The following HNRNPLL variants were observed in gnomAD, a reference collection of about 807,000 sequenced individuals.
The protein encoded by HNRNPLL is heterogeneous nuclear ribonucleoprotein L like.
A neutral mutation model predicts 67.1 loss-of-function variants in HNRNPLL; 25 were observed. The ratio of observed to expected loss-of-function variants is 0.37; its 90% CI spans 0.27 to 0.52. The LOEUF (loss-of-function observed/expected upper bound fraction) is 0.52, where lower values mean the gene tolerates loss of function less well. HNRNPLL is among the 20% of genes least tolerant of loss of function. The probability of loss-of-function intolerance (pLI) is 0.90; values close to 1 mark genes in which losing one functional copy is unlikely to be tolerated. For synonymous variants in HNRNPLL, 267 were observed against 241.7 expected (o/e 1.10, Z -0.97); for missense variants, 542 against 673.9 (o/e 0.80, Z 2.17).
At position 38,585,781 on chromosome 2, in the gene HNRNPLL, A is replaced by C. The variant is rs1666702250; in HGVS notation, c.409T>G (p.Tyr137Asp). The C allele has an allele frequency of 6.2e-7, 1 of 1,613,610 alleles. No homozygotes were observed. The highest frequency in any genetic ancestry group is 1.7e-5 in the Admixed American group (1 of 60,006). The change falls in exon 3 of 13, where the codon TAC (tyrosine) becomes GAC (aspartate). Residue 137 changes from tyrosine to aspartate, a missense_variant. By Grantham distance (160) the Tyr-to-Asp change is radical (BLOSUM62 -3). Transcript: ENST00000449105. The part of the protein sequence containing the change: ...CVTFAADEPV[Y>D]IAGQQAFFNY... ...AAAAAAGCCTGTTGACCAGCAATGT[A>C]CACGGGTTCATCTGCAGCAAATGTC...
In HNRNPLL at chr2:38,602,466, C is replaced by CCGCCAT. The variant is rs1320240709; in HGVS notation, c.155_160dup (p.Asp52_Gly53dup). The CCGCCAT allele has an allele frequency of 6.5e-7, 1 of 1,539,616 alleles. No homozygotes were observed. The highest frequency in any genetic ancestry group is 1.2e-5 in the South Asian group (1 of 84,082). ...CTGAGAGAAGCTCCGGCCGCCGCCG[C>CCGCCAT]CGCCATCGCCCCCGCCCCGGGGCGT... On this transcript the variant is annotated inframe_insertion, in exon 1 of 13. Transcript: ENST00000449105.
In HNRNPLL at chr2:38,563,513, G is replaced by C. The variant is rs1292740822; in HGVS notation, c.*669C>G. On this transcript the variant is annotated 3_prime_UTR_variant, in exon 13 of 13. Coordinates refer to ENST00000449105, the MANE Select transcript of HNRNPLL (RefSeq NM_138394.4). ...ATGAAAATGAACACATTAACTCATT[G>C]TTATAACTTTATAAAATCTCCAAAC... 6.6e-6 allele frequency: 1 copy of C among 151,956 alleles called. No individual in the cohort carries two copies. The highest frequency in any genetic ancestry group is 2.4e-5 in the African/African-American group (1 of 41,398). 9.4% of individuals were successfully genotyped at this position (151,956 alleles called of 1,614,324 possible).
intron 1 of HNRNPLL, among the ~76,000 whole-genome samples, chr2:38,592,481 G>T (rs1051656739): frequency 6.6e-6 from 1 of 152,174 alleles, no homozygotes; most frequent in Admixed American, 6.5e-5. Flanking sequence ...TTAAACACAT[G>T]ACAACTTAAA....
At position 38,568,200 on chromosome 2, in the gene HNRNPLL, C is replaced by T. The variant is rs138662849; in HGVS notation, c.1572G>A (p.Pro524=). The part of the protein sequence containing the change: ...TALNHYQIRV[P]NGSNPYTLKL... ...ACACAAATAAAGCATTTTACTTACT[C>T]GGCACTCTTATCTGATAGTGATTCA... Residue 524 remains proline, a splice_region_variant and synonymous_variant, in exon 12 of 13, where the codon CCG becomes CCA. Transcript: ENST00000449105. 42 of 1,596,086 alleles carry T rather than the reference C, an allele frequency of 2.6e-5. No individual in the cohort carries two copies. Among genetic ancestry groups the T allele is most frequent in the Admixed American group, 5.1e-5 (3 of 59,266 alleles).
intron 7 of HNRNPLL, among the ~76,000 whole-genome samples, chr2:38,573,814 T>C (rs1325066970): frequency 6.6e-6 from 1 of 151,826 alleles, no homozygotes; most frequent in African/African-American, 2.4e-5. Context: ...AGTAATAATA[T>C]TACATGTACA....
Position 38,602,523 on chromosome 2 carries a change from G to A in HNRNPLL, c.104C>T (p.Ser35Leu), listed in dbSNP as rs151266835. Reference sequence around the variant, plus strand: ...CCGGCGGTTCTCGCCTTCCTCGGCCGAGTAGTCGATCTCCCCCTCCTCGGT... The same window carrying A: ...CCGGCGGTTCTCGCCTTCCTCGGCCAAGTAGTCGATCTCCCCCTCCTCGGT... The part of the protein sequence containing the change: ...LKTEEGEIDY[S>L]AEEGENRREA... The change falls in exon 1 of 13, where the codon TCG becomes TTG. Residue 35 changes from serine to leucine, a missense_variant. Ser to Leu is a moderately radical substitution (Grantham distance 145). This residue lies in a region of HNRNPLL where 127 missense variants were observed against 98.7 expected (regional missense o/e 1.29). Coordinates refer to ENST00000449105, the MANE Select transcript of HNRNPLL (RefSeq NM_138394.4). 8.0e-5 allele frequency: 125 copies of A among 1,554,134 alleles called. No homozygotes were observed. The highest frequency in any genetic ancestry group is 1.1e-4 in the Non-Finnish European group (121 of 1,150,036).
At chr2:38,591,714 G>A (rs181253616) in intron 1 of HNRNPLL, 66 bp from the exon 2 acceptor site, 9 of 975,176 alleles carry the variant, frequency 9.2e-6, no homozygotes, top group Admixed American at 3.8e-5. Flanking sequence ...GGTGGCTCAC[G>A]CCTGTAATCC....
rs2304005 is a variant in HNRNPLL at position 38,581,715 on chromosome 2, A to C, written c.802+198T>G. ...GTGGGCTCCTTGTTGAACTAAATAT[A>C]AATAGCTCAGTACATACCAGTAGGG... On this transcript the variant is annotated intron_variant, in intron 6 of 12. Transcript: ENST00000449105. 2.4e-3 allele frequency: 1,404 copies of C among 574,216 alleles called. 59 individuals carry two copies. In the East Asian group the frequency reaches 0.039, roughly 16 times the overall value. The allele number at this position is 574,216 out of a possible 1,614,324, so 35.6% of individuals were successfully genotyped here. A position where few individuals can be genotyped will look rare whatever the true frequency, so the allele number is the denominator to read the frequency against.
intron 12 of HNRNPLL, among the ~76,000 whole-genome samples, chr2:38,567,313 G>A (rs759094721): frequency 3.3e-5 from 5 of 151,724 alleles, no homozygotes; most frequent in Non-Finnish European, 7.4e-5. Flanking sequence ...ACAGGGTTTC[G>A]CCACATTGGC....
chr2:38,597,451 G>C (rs1016310394), intron 1 of HNRNPLL, among the ~76,000 whole-genome samples: 3 of 152,140 alleles, frequency 2.0e-5, no homozygotes, highest in African/African-American at 7.2e-5. Context: ...ACTTAATATA[G>C]AACAAAGGAC....
At chr2:38,574,688 C>T (rs1055231567) in intron 7 of HNRNPLL, among the ~76,000 whole-genome samples, 4 of 151,888 alleles carry the variant, frequency 2.6e-5, no homozygotes, top group Non-Finnish European at 5.9e-5. Context: ...CACACAAACA[C>T]GGTGTGAATT....
chr2:38,574,071 G>A (rs1318451256), intron 7 of HNRNPLL, among the ~76,000 whole-genome samples: 2 of 151,872 alleles, frequency 1.3e-5, no homozygotes, highest in African/African-American at 4.8e-5. Context: ...AATAATGCCT[G>A]AGTATCTAAA....
At chr2:38,598,552 T>C (rs1032485589) in intron 1 of HNRNPLL, among the ~76,000 whole-genome samples, 1 of 152,226 alleles carries the variant, frequency 6.6e-6, no homozygotes, top group Non-Finnish European at 1.5e-5. Flanking sequence ...AAAAAAGCAA[T>C]ATATGATGTA....
intron 7 of HNRNPLL, among the ~76,000 whole-genome samples, chr2:38,573,808 A>G (rs1226878576): frequency 6.6e-6 from 1 of 151,872 alleles, no homozygotes; most frequent in Non-Finnish European, 1.5e-5. Flanking sequence ...TGGAGGAGTA[A>G]TAATATTACA....
Position 38,583,897 on chromosome 2 carries a change from A to C in HNRNPLL, c.576T>G (p.Val192=). 1.3e-6 allele frequency: 2 copies of C among 1,567,896 alleles called. No individual in the cohort carries two copies. Among genetic ancestry groups the C allele is most frequent in the Non-Finnish European group, 1.7e-6 (2 of 1,143,468 alleles). The change falls in exon 4 of 13, where the codon GTT becomes GTG. Residue 192 remains valine (V), a synonymous_variant. Coordinates refer to ENST00000449105, the MANE Select transcript of HNRNPLL (RefSeq NM_138394.4). ...ATATAACAATACGTTGCACTTTGCC[A>C]ACAGGGTTGCATACAGTATATAAAA... is the stretch of plus-strand genomic sequence containing the variant. ...VDVLYTVCNP[V]GKVQRIVIFK... is the part of the protein sequence containing the mutation.
intron 10 of HNRNPLL, 23 bp downstream of exon 10, chr2:38,569,099 AACATTCTATAC>A: frequency 7.1e-7 from 1 of 1,399,472 alleles, no homozygotes; most frequent in East Asian, 2.3e-5. Flanking sequence ...AGGAAATAGC[AACATTCTATAC>A]ACATTTGTAT....
intron 10 of HNRNPLL, 67 bp from the exon 11 acceptor site, chr2:38,568,510 T>TGGG: frequency 9.6e-7 from 1 of 1,039,290 alleles, no homozygotes; most frequent in Non-Finnish European, 1.4e-6. Flanking sequence ...TTACAGAAAG[T>TGGG]AAACTTTATG....
At chr2:38,582,042 CT>C in intron 5 of HNRNPLL, 29 bp downstream of exon 5, 1 of 1,600,100 alleles carries the variant, frequency 6.2e-7, no homozygotes, top group East Asian at 2.2e-5. Flanking sequence ...ATAAATATTT[CT>C]TGGGTAGGGT....
chr2:38,569,151 T>C lies in HNRNPLL; in HGVS notation c.1398A>G (p.Thr466=), dbSNP rs1362026066. 1 of 1,609,222 alleles carries C rather than the reference T, an allele frequency of 6.2e-7. No homozygotes were observed. Among genetic ancestry groups the C allele is most frequent in the Admixed American group, 1.7e-5 (1 of 60,000 alleles). The part of the protein sequence containing the change: ...LHYYNVPLCV[T]EETFTKLCND... ...TGCCTACCTTTGTGAAGGTCTCTTC[T>C]GTGACACACAATGGAACATTATAAT... is the stretch of plus-strand genomic sequence containing the variant. Residue 466 remains threonine (T), a synonymous_variant, in exon 10 of 13, where the codon ACA becomes ACG. Transcript: ENST00000449105.
Sources: allele counts gnomAD v4.1 joint callset (sites outside exome capture counted in the v4.1 genomes callset), GRCh38; gene constraint gnomAD v4.1.1; regional missense constraint gnomAD v4.1.1; transcripts MANE v1.5; gene names NCBI Gene and HGNC (gene_info 2026-07-23, HGNC 2026-07-21).